Variants in ZNF407 observed in about 807,000 individuals in gnomAD.
ZNF407 encodes the protein zinc finger protein 407.
In ZNF407, 17 loss-of-function variants were observed where a neutral mutation model predicts 131.2. The observed-to-expected ratio is 0.13, with a 90% CI of 0.09 to 0.19. ZNF407 has a LOEUF of 0.19. Among genes scored for constraint, ZNF407 ranks in the 10% least tolerant of loss-of-function variants. The pLI is 1.00. For synonymous variants in ZNF407, 1,156 were observed against 1,062.0 expected, an observed-to-expected ratio of 1.09 and a Z score of -1.72; for missense variants, 2,681 against 2,830.6, an observed-to-expected ratio of 0.95 and a Z score of 1.20.
chr18:74,887,850 T>C (rs142488391), intron 6 of ZNF407, among the ~76,000 whole-genome samples: 242 of 152,240 alleles, frequency 1.6e-3, no homozygotes, highest in Middle Eastern at 0.014. Flanking sequence ...AAAACTGGGA[T>C]CAGAATTGAA....
chr18:74,688,981 A>G lies in ZNF407; in HGVS notation c.4802+47859A>G, dbSNP rs574605876. On this transcript the variant is annotated intron_variant, in intron 3 of 8. Coordinates refer to ENST00000299687, the MANE Select transcript of ZNF407 (RefSeq NM_017757.3). ...GTAGCTGGAATTACAGGCACCCGCC[A>G]CCATGCCCGGGTAATTTTTCTATTT... is the stretch of plus-strand genomic sequence containing the variant. Among the ~76,000 whole-genome samples the G allele has an allele frequency of 3.1e-4, 47 of 152,164 alleles. No individual in the cohort carries two copies. The South Asian group carries it at 4.2e-3, about 13-fold the overall frequency.
intron 8 of ZNF407, among the ~76,000 whole-genome samples, chr18:75,031,043 C>G (rs906713309): frequency 2.6e-5 from 4 of 152,158 alleles, no homozygotes; most frequent in African/African-American, 9.7e-5. Context: ...TGGCATGCCC[C>G]CACACACATA....
intron 1 of ZNF407, among the ~76,000 whole-genome samples, chr18:74,623,854 A>G (rs1205795286): frequency 1.3e-5 from 2 of 152,130 alleles, no homozygotes; most frequent in Non-Finnish European, 1.5e-5. Context: ...CAGTCAAGGA[A>G]CAACTGCTTG....
intron 4 of ZNF407, among the ~76,000 whole-genome samples, chr18:74,811,958 C>G (rs908972006): frequency 5.9e-5 from 9 of 151,370 alleles, no homozygotes; most frequent in Admixed American, 3.9e-4. Context: ...GTGCAGCACA[C>G]CAGCATGGCA....
intron 3 of ZNF407, among the ~76,000 whole-genome samples, chr18:74,761,893 G>C (rs1229735961): frequency 1.3e-5 from 2 of 152,106 alleles, no homozygotes; most frequent in Admixed American, 1.3e-4. Flanking sequence ...TCATGTATCT[G>C]TCTGTATACT....
rs1351184688 is a variant in ZNF407, at chr18:74,703,851, G to A, written c.4802+62729G>A. Among the ~76,000 whole-genome samples, 1 of 151,978 alleles carries A rather than the reference G, an allele frequency of 6.6e-6. No homozygotes were observed. The highest frequency in any genetic ancestry group is 1.9e-4 in the East Asian group (1 of 5,202). The stretch of plus-strand genomic sequence containing the variant: ...ATTAATTAATCATTTAATATTCTTA[G>A]GTAAGTTGAGATATGAGGTGGTAAA... On this transcript the variant is annotated intron_variant, in intron 3 of 8. Coordinates refer to ENST00000299687, the MANE Select transcript of ZNF407 (RefSeq NM_017757.3). The surrounding 1 kb of genome is among the most constrained non-coding windows in gnomAD (Gnocchi z 4.1).
chr18:74,868,595 GT>G (rs1971044950), intron 4 of ZNF407, among the ~76,000 whole-genome samples: 1 of 152,160 alleles, frequency 6.6e-6, no homozygotes, highest in Non-Finnish European at 1.5e-5. Flanking sequence ...TATGTAGCCT[GT>G]TCCCCCACAA....
intron 8 of ZNF407, among the ~76,000 whole-genome samples, chr18:74,985,287 A>G (rs1972639861): frequency 6.6e-6 from 1 of 152,242 alleles, no homozygotes. Context: ...GAAGAAAAAT[A>G]AAACATGAAA....
At chr18:75,024,927 A>G (rs1973153287) in intron 8 of ZNF407, among the ~76,000 whole-genome samples, 1 of 152,242 alleles carries the variant, frequency 6.6e-6, no homozygotes, top group South Asian at 2.1e-4. Context: ...AGGTTGTACA[A>G]AACGAAGACT....
At chr18:74,699,191 CT>C (rs756490619) in intron 3 of ZNF407, among the ~76,000 whole-genome samples, 93 of 152,122 alleles carry the variant, frequency 6.1e-4, no homozygotes, top group Non-Finnish European at 1.8e-4. Context: ...ATATTTTCTT[CT>C]GTATTTCATT....
chr18:74,848,082 A>G (rs1232857391), intron 4 of ZNF407, among the ~76,000 whole-genome samples: 1 of 152,156 alleles, frequency 6.6e-6, no homozygotes, highest in African/African-American at 2.4e-5. Flanking sequence ...AAATCCATAT[A>G]TTTTATAGCG....
rs1350784010 is a variant in ZNF407 at position 74,634,526 on chromosome 18, A to G, written c.3507A>G (p.Gln1169=). 1.2e-6 allele frequency: 2 copies of G among 1,613,836 alleles called. No homozygotes were observed. Among genetic ancestry groups the G allele is most frequent in the African/African-American group, 1.3e-5 (1 of 75,054 alleles). The change falls in exon 2 of 9, where the codon CAA becomes CAG. Residue 1169 remains glutamine (Q), a synonymous_variant. Coordinates refer to ENST00000299687, the MANE Select transcript of ZNF407 (RefSeq NM_017757.3). Reference sequence around the variant, plus strand: ...ACCATTCCTTTTGTGAGACTTTCCAACAGGCTCCTGTCAAGGATAAAGTTA... The same window carrying G: ...ACCATTCCTTTTGTGAGACTTTCCAGCAGGCTCCTGTCAAGGATAAAGTTA... The part of the protein sequence containing the change: ...NEDHSFCETF[Q]QAPVKDKVRK...
In ZNF407 at chr18:74,969,036, G is replaced by A. The variant is rs145314045; in HGVS notation, c.5428+48344G>A. On this transcript the variant is annotated intron_variant, in intron 8 of 8. Transcript: ENST00000299687. ...TTTGCTGATGGTATCCTCTGTCATC[G>A]CCACTCCATTGTGGAGCCCAGCCAA... 9.4e-3 allele frequency among the ~76,000 whole-genome samples: 1,430 copies of A among 152,156 alleles called. 15 individuals are homozygous for A. The highest frequency in any genetic ancestry group is 0.03 in the South Asian group (143 of 4,818).
At chr18:74,630,135 T>C (rs530487762) in intron 1 of ZNF407, among the ~76,000 whole-genome samples, 10 of 151,974 alleles carry the variant, frequency 6.6e-5, no homozygotes, top group Admixed American at 5.9e-4. Flanking sequence ...TAAAGCTCTT[T>C]GCTTTAGGAG....
At chr18:75,047,694 A>G (rs1049399266) in intron 8 of ZNF407, among the ~76,000 whole-genome samples, 1 of 152,250 alleles carries the variant, frequency 6.6e-6, no homozygotes, top group African/African-American at 2.4e-5. Flanking sequence ...CAACTGTTAG[A>G]TCACCAGCGT....
intron 8 of ZNF407, among the ~76,000 whole-genome samples, chr18:74,942,721 G>A (rs747694440): frequency 5.3e-4 from 80 of 152,078 alleles, no homozygotes; most frequent in Admixed American, 1.4e-3. Flanking sequence ...TCCTCTCCAT[G>A]CTTGTCTGGC....
At chr18:74,759,946 ATG>A (rs1255581342) in intron 3 of ZNF407, among the ~76,000 whole-genome samples, 1 of 42,104 alleles carries the variant, frequency 2.4e-5, no homozygotes, top group Non-Finnish European at 5.1e-5. Flanking sequence ...GTTACTTTAC[ATG>A]TCTCTCTCTC....
intron 3 of ZNF407, among the ~76,000 whole-genome samples, chr18:74,699,967 A>G (rs892049186): frequency 6.6e-6 from 1 of 152,164 alleles, no homozygotes; most frequent in Non-Finnish European, 1.5e-5. Context: ...TATTACTTAA[A>G]TGATCATTGC....
intron 4 of ZNF407, among the ~76,000 whole-genome samples, chr18:74,836,708 G>C (rs1202147995): frequency 6.6e-6 from 1 of 152,188 alleles, no homozygotes; most frequent in Non-Finnish European, 1.5e-5. Flanking sequence ...AGTGTGCCAA[G>C]GCCAGGCTGA....
Sources: gnomAD v4.1 joint callset for allele counts (sites outside exome capture counted in the v4.1 genomes callset) on GRCh38, gnomAD v4.1.1 for gene constraint, Gnocchi (gnomAD v3.1) non-coding constraint, MANE v1.5 for transcripts, NCBI Gene and HGNC (gene_info 2026-07-23, HGNC 2026-07-21) for gene names.